Variants in SPCS2 observed in about 807,000 individuals in gnomAD.
The protein encoded by SPCS2 is signal peptidase complex subunit 2.
Under a neutral mutation model 22.3 loss-of-function variants are expected in SPCS2, and 3 were observed. The ratio of observed to expected loss-of-function variants is 0.13; its 90% confidence interval spans 0.06 to 0.35. The LOEUF is 0.35. Among genes scored for constraint, SPCS2 ranks in the 10% least tolerant of loss-of-function variants. SPCS2 has a pLI of 1.00. For missense variants in SPCS2, 169 were observed against 280.9 expected, an observed-to-expected ratio of 0.60 and a Z score of 2.85; for synonymous variants, 67 against 97.2, an observed-to-expected ratio of 0.69 and a Z score of 1.83.
At chr11:74,962,616 A>G (rs1948520947) in intron 1 of SPCS2, among the ~76,000 whole-genome samples, 1 of 152,098 alleles carries the variant, frequency 6.6e-6, no homozygotes, top group Non-Finnish European at 1.5e-5. Flanking sequence ...GGAGCAGCAT[A>G]CATTTTAGTT....
intron 3 of SPCS2, among the ~76,000 whole-genome samples, chr11:74,968,622 C>T (rs1591740530): frequency 1.3e-5 from 2 of 151,072 alleles, no homozygotes; most frequent in South Asian, 4.2e-4. Flanking sequence ...TTCCTGGGTT[C>T]AAGCCATTCT....
chr11:74,968,521 T>G (rs1057113333), intron 3 of SPCS2, among the ~76,000 whole-genome samples: 5 of 148,948 alleles, frequency 3.4e-5, no homozygotes, highest in African/African-American at 4.9e-5. Context: ...TTTTTTTGTT[T>G]TTTTTTTTTT....
At chr11:74,961,633 C>T (rs867254378) in intron 1 of SPCS2, among the ~76,000 whole-genome samples, 1 of 150,556 alleles carries the variant, frequency 6.6e-6, no homozygotes, top group South Asian at 2.1e-4. Context: ...CCTCTGCCTC[C>T]TGGATTCAAG....
chr11:74,960,090 G>A (rs1402234341), intron 1 of SPCS2, among the ~76,000 whole-genome samples: 1 of 152,172 alleles, frequency 6.6e-6, no homozygotes, highest in Non-Finnish European at 1.5e-5. Flanking sequence ...TGGCACTTTG[G>A]GAGGCTGAGG....
chr11:74,971,480 A>AT (rs1166437443), intron 4 of SPCS2, among the ~76,000 whole-genome samples: 2 of 151,958 alleles, frequency 1.3e-5, no homozygotes, highest in Admixed American at 1.3e-4. Context: ...AAGGGTTCTG[A>AT]TTTTTTTCAC....
intron 1 of SPCS2, chr11:74,949,782 ACT>A (rs1948336754): frequency 5.1e-6 from 2 of 392,698 alleles, no homozygotes; most frequent in East Asian, 7.1e-5. Context: ...TATCCCCCAA[ACT>A]CTCTACCACC....
intron 1 of SPCS2, among the ~76,000 whole-genome samples, chr11:74,953,141 T>C (rs895119275): frequency 1.3e-5 from 2 of 152,158 alleles, no homozygotes; most frequent in African/African-American, 4.8e-5. Flanking sequence ...AAAAATGTTA[T>C]TCTCAGTGGA....
intron 1 of SPCS2, among the ~76,000 whole-genome samples, chr11:74,955,874 A>ATATATATG (rs1948476054): frequency 8.9e-6 from 1 of 112,774 alleles, no homozygotes; most frequent in Non-Finnish European, 1.8e-5. Flanking sequence ...ATATATATAT[A>ATATATATG]TATATATATA....
At chr11:74,972,894 A>AT (rs35593566) in intron 4 of SPCS2, among the ~76,000 whole-genome samples, 43 of 110,810 alleles carry the variant, frequency 3.9e-4, no homozygotes, top group Non-Finnish European at 3.9e-4. Context: ...ATATATATAT[A>AT]TTTTTTTTTT....
At chr11:74,961,598 A>G (rs769794396) in intron 1 of SPCS2, among the ~76,000 whole-genome samples, 36 of 142,480 alleles carry the variant, frequency 2.5e-4, no homozygotes, top group Non-Finnish European at 4.9e-4. Context: ...CTAGAGTGCA[A>G]TGGCACCATC....
intron 1 of SPCS2, among the ~76,000 whole-genome samples, chr11:74,961,342 G>C (rs1948513093): frequency 6.6e-6 from 1 of 152,154 alleles, no homozygotes. Context: ...TAAGGCTTTA[G>C]AGAGGTTAAA....
Position 74,977,045 on chromosome 11 carries a change from C to T in SPCS2, c.*2C>T. ...GCCATAGAAAGAAAAATAAAGTAGC[C>T]AATTCTAAAAGTAGCCCTCTTTCTC... On this transcript the variant is annotated 3_prime_UTR_variant, in exon 5 of 5. Transcript: ENST00000263672. 1.4e-6 allele frequency: 2 copies of T among 1,446,892 alleles called. No homozygotes were observed. The highest frequency in any genetic ancestry group is 1.8e-6 in the Non-Finnish European group (2 of 1,086,904). 89.6% of individuals were successfully genotyped at this position (1,446,892 alleles called of 1,614,324 possible).
At chr11:74,953,533 G>T (rs1447644114) in intron 1 of SPCS2, among the ~76,000 whole-genome samples, 1 of 152,094 alleles carries the variant, frequency 6.6e-6, no homozygotes, top group East Asian at 1.9e-4. Context: ...GATTTGGGCG[G>T]GGAGGGTTTT....
chr11:74,956,975 C>A (rs1216688792), intron 1 of SPCS2, among the ~76,000 whole-genome samples: 1 of 152,024 alleles, frequency 6.6e-6, no homozygotes. Context: ...TAACTATTTT[C>A]CCTCACTATT....
At chr11:74,961,245 A>G (rs1041434593) in intron 1 of SPCS2, among the ~76,000 whole-genome samples, 26 of 152,336 alleles carry the variant, frequency 1.7e-4, no homozygotes, top group African/African-American at 4.8e-4. Flanking sequence ...GCACTGTGCT[A>G]TGTTTTATAA....
intron 1 of SPCS2, among the ~76,000 whole-genome samples, chr11:74,963,385 A>G (rs1465140426): frequency 1.3e-5 from 2 of 151,916 alleles, no homozygotes; most frequent in African/African-American, 2.4e-5. Flanking sequence ...TTTTTAGCTC[A>G]TGTTATTTCT....
chr11:74,974,505 T>C (rs1310539668), intron 4 of SPCS2, among the ~76,000 whole-genome samples: 2 of 152,240 alleles, frequency 1.3e-5, no homozygotes, highest in Non-Finnish European at 2.9e-5. Flanking sequence ...AGTCCTTCTT[T>C]AGTCTGTCAG....
chr11:74,967,774 TA>T (rs1360501074), intron 3 of SPCS2, among the ~76,000 whole-genome samples: 1 of 151,666 alleles, frequency 6.6e-6, no homozygotes, highest in East Asian at 1.9e-4. Flanking sequence ...TTAGATAAAA[TA>T]AAAAATAAAT....
chr11:74,966,107 A>G (rs1324206800), intron 3 of SPCS2, among the ~76,000 whole-genome samples, 184 bp downstream of exon 3: 1 of 152,210 alleles, frequency 6.6e-6, no homozygotes, highest in Non-Finnish European at 1.5e-5. Flanking sequence ...TGTCACTGAT[A>G]TTTTATGTTT....
Sources: allele counts gnomAD v4.1 joint callset (sites outside exome capture counted in the v4.1 genomes callset), GRCh38; gene constraint gnomAD v4.1.1; transcripts MANE v1.5; gene names NCBI Gene and HGNC (gene_info 2026-07-23, HGNC 2026-07-21).